Variants in THEMIS observed in about 807,000 individuals in gnomAD.
THEMIS encodes the protein thymocyte selection associated.
Under a neutral mutation model 52.6 loss-of-function variants are expected in THEMIS, and 37 were observed. The ratio of observed to expected loss-of-function variants is 0.70; its 90% CI spans 0.54 to 0.93. The LOEUF is 0.93. Ranked by LOEUF, THEMIS falls within the 40% of genes least tolerant of loss-of-function variation. THEMIS has a pLI of 0.00. For synonymous variants in THEMIS, 292 were observed against 272.7 expected (o/e 1.07, Z -0.70); for missense variants, 808 against 763.1 (o/e 1.06, Z -0.69).
chr6:127,863,701 G>T (rs1247049065), intron 1 of THEMIS, among the ~76,000 whole-genome samples: 2 of 152,134 alleles, frequency 1.3e-5, no homozygotes, highest in Non-Finnish European at 2.9e-5. Flanking sequence ...GTGGAACATG[G>T]AATCCTGCTT....
At chr6:127,755,292 G>T (rs1775783929) in intron 4 of THEMIS, among the ~76,000 whole-genome samples, 1 of 152,154 alleles carries the variant, frequency 6.6e-6, no homozygotes, top group African/African-American at 2.4e-5. Flanking sequence ...TAAATTAAAA[G>T]TTCTTGTTAG....
At chr6:127,885,653 G>A (rs1311254740) in intron 1 of THEMIS, among the ~76,000 whole-genome samples, 1 of 151,936 alleles carries the variant, frequency 6.6e-6, no homozygotes, top group African/African-American at 2.4e-5. Flanking sequence ...ATTTTTTGCA[G>A]GAACAAGAAA....
the THEMIS span, among the ~76,000 whole-genome samples, chr6:127,701,492 G>A: frequency 6.6e-6 from 1 of 152,042 alleles, no homozygotes; most frequent in African/African-American, 2.4e-5. Flanking sequence ...AAAGTTATTA[G>A]GAACATCATT....
At chr6:127,905,794 G>A (rs975781215), upstream of THEMIS, among the ~76,000 whole-genome samples, 3 of 151,214 alleles carry the variant, frequency 2.0e-5, no homozygotes, top group Admixed American at 6.6e-5. Context: ...AAAAACACAT[G>A]TAATTTCTAG....
At chr6:127,887,092 G>A (rs1179818324) in intron 1 of THEMIS, among the ~76,000 whole-genome samples, 1 of 149,706 alleles carries the variant, frequency 6.7e-6, no homozygotes, top group Non-Finnish European at 1.5e-5. Context: ...GAAACCACAA[G>A]CCACAAAGGA....
In THEMIS at chr6:127,716,910, C is replaced by T. The variant is rs112556951; in HGVS notation, c.1894+2778G>A. On this transcript the variant is annotated intron_variant, in intron 5 of 5. Transcript: ENST00000368248. ...TTTTACTCTGAGGAATCAGTGACAT[C>T]ATCAAAAAGGGTTTCTCACCCCCTC... is the stretch of plus-strand genomic sequence containing the variant. Among the ~76,000 whole-genome samples the T allele has an allele frequency of 9.9e-4, 150 of 151,858 alleles. 3 individuals are homozygous for T. The highest frequency in any genetic ancestry group is 4.7e-3 in the East Asian group (24 of 5,124).
intron 5 of THEMIS, among the ~76,000 whole-genome samples, chr6:127,718,395 T>A (rs1455710828): frequency 6.6e-6 from 1 of 151,874 alleles, no homozygotes; most frequent in African/African-American, 2.4e-5. Flanking sequence ...TTACAAGTAA[T>A]ACGTTCAAAG....
At chr6:127,832,817 T>G (rs1394628571) in intron 2 of THEMIS, among the ~76,000 whole-genome samples, 2 of 129,530 alleles carry the variant, frequency 1.5e-5, no homozygotes, top group Non-Finnish European at 3.2e-5. Context: ...GGAGTCTTGC[T>G]CTGTCTCCCA....
intron 3 of THEMIS, among the ~76,000 whole-genome samples, chr6:127,823,578 A>C (rs1316542604): frequency 6.6e-6 from 1 of 152,172 alleles, no homozygotes; most frequent in African/African-American, 2.4e-5. Context: ...AGCACTGAGA[A>C]GATACAAATA....
At chr6:127,846,203 C>T (rs976254062) in intron 2 of THEMIS, among the ~76,000 whole-genome samples, 12 of 152,012 alleles carry the variant, frequency 7.9e-5, no homozygotes, top group African/African-American at 2.9e-4. Context: ...AGAAAATTCA[C>T]TAAACAAACA....
At chr6:127,761,423 G>T (rs1358020839) in intron 4 of THEMIS, among the ~76,000 whole-genome samples, 1 of 152,068 alleles carries the variant, frequency 6.6e-6, no homozygotes, top group Non-Finnish European at 1.5e-5. Flanking sequence ...TGCTTTAGGG[G>T]GCTAGGGACT....
At chr6:127,910,424 G>A (rs7755980) in intron 1 of THEMIS, among the ~76,000 whole-genome samples, 5,953 of 152,106 alleles carry the variant, frequency 0.039, 364 homozygotes, top group African/African-American at 0.13. Context: ...ATCTCATTAC[G>A]TAAGTATTGT....
chr6:127,898,102 T>A (rs1217251261), intron 1 of THEMIS, among the ~76,000 whole-genome samples: 3 of 151,752 alleles, frequency 2.0e-5, no homozygotes, highest in African/African-American at 7.2e-5. Flanking sequence ...TTGAGGGAGA[T>A]AGTATATAAT....
At chr6:127,860,157 A>G (rs1412711022) in intron 1 of THEMIS, among the ~76,000 whole-genome samples, 2 of 152,172 alleles carry the variant, frequency 1.3e-5, no homozygotes, top group Non-Finnish European at 2.9e-5. Context: ...CCAGTCTTCC[A>G]CAAAGAGATG....
intron 2 of THEMIS, among the ~76,000 whole-genome samples, chr6:127,843,959 C>A (rs1421557137): frequency 1.3e-5 from 2 of 152,024 alleles, no homozygotes; most frequent in Non-Finnish European, 2.9e-5. Flanking sequence ...CACTGCAACT[C>A]CATGAAAGAC....
At chr6:127,799,586 T>TC (rs74878678) in intron 4 of THEMIS, among the ~76,000 whole-genome samples, 14 of 143,910 alleles carry the variant, frequency 9.7e-5, no homozygotes, top group African/African-American at 2.2e-4. Context: ...TTTCTTTCTT[T>TC]TTTTCTTTCT....
intron 1 of THEMIS, among the ~76,000 whole-genome samples, chr6:127,856,703 C>T (rs1156525514): frequency 1.3e-5 from 2 of 152,002 alleles, no homozygotes; most frequent in Non-Finnish European, 2.9e-5. Context: ...TAACCCTCTC[C>T]TTGTCTCATA....
intron 4 of THEMIS, among the ~76,000 whole-genome samples, chr6:127,734,913 ATGTGTGTGTGTG>A (rs67013117): frequency 1.9e-5 from 2 of 106,456 alleles, no homozygotes; most frequent in South Asian, 3.1e-4. Context: ...ATATATATAT[ATGTGTGTGTGTG>A]TGTGTGTGTG....
chr6:127,726,308 G>C (rs780295465), intron 4 of THEMIS, among the ~76,000 whole-genome samples: 25 of 152,084 alleles, frequency 1.6e-4, no homozygotes, highest in South Asian at 6.2e-4. Context: ...TTCCCTAGTT[G>C]CTCTAATAAG....
Sources: gnomAD v4.1 joint callset for allele counts (sites outside exome capture counted in the v4.1 genomes callset) on GRCh38, gnomAD v4.1.1 for gene constraint, MANE v1.5 for transcripts, NCBI Gene and HGNC (gene_info 2026-07-23, HGNC 2026-07-21) for gene names.